The following IFT56 variants were observed in gnomAD, a reference collection of about 807,000 sequenced individuals.
The protein encoded by IFT56 is intraflagellar transport 56.
chr7:139,179,700 A>G, the IFT56 span: 7 of 1,412,432 alleles, frequency 5.0e-6, no homozygotes, highest in East Asian at 4.6e-5. Context: ...TTTTGGTTGC[A>G]TAATCTGTTC....
chr7:139,138,950 A>G, the IFT56 span, among the ~76,000 whole-genome samples: 2 of 151,894 alleles, frequency 1.3e-5, no homozygotes, highest in Non-Finnish European at 2.9e-5. Flanking sequence ...AGCTGGGACT[A>G]CAGACATGCG....
the IFT56 span, among the ~76,000 whole-genome samples, chr7:139,186,983 A>G: frequency 0.016 from 2,414 of 150,346 alleles, 34 homozygotes; most frequent in African/African-American, 0.03. Context: ...AGTCCCAGCT[A>G]CTCGGGAGGC....
the IFT56 span, chr7:139,139,786 G>A: frequency 1.5e-5 from 10 of 681,914 alleles, no homozygotes; most frequent in South Asian, 1.9e-4. Context: ...TTCCCTAAAT[G>A]TGAAGTTGCT....
chr7:139,155,710 A>G, the IFT56 span, among the ~76,000 whole-genome samples: 3 of 152,174 alleles, frequency 2.0e-5, no homozygotes, highest in Non-Finnish European at 2.9e-5. Context: ...TTTTGTGTCC[A>G]TATTCAAAAA....
the IFT56 span, among the ~76,000 whole-genome samples, chr7:139,159,047 C>A: frequency 1.3e-5 from 2 of 152,132 alleles, no homozygotes; most frequent in African/African-American, 2.4e-5. Flanking sequence ...AATGGTTTGA[C>A]TGTTTTATAA....
chr7:139,168,493 T>G, the IFT56 span: 4 of 812,770 alleles, frequency 4.9e-6, no homozygotes, highest in Non-Finnish European at 8.5e-6. Context: ...CAATAGGCTC[T>G]CCTGTAGCTC....
At chr7:139,165,237 A>G in the IFT56 span, 7 of 1,608,658 alleles carry the variant, frequency 4.4e-6, no homozygotes, top group Middle Eastern at 1.7e-4. Context: ...TCGTCAAGGT[A>G]AGAAAAATTT....
At chr7:139,177,950 A>G in the IFT56 span, among the ~76,000 whole-genome samples, 20 of 152,238 alleles carry the variant, frequency 1.3e-4, no homozygotes, top group African/African-American at 4.6e-4. Context: ...TGACCTGGGT[A>G]ATGTCGTAGT....
At chr7:139,184,923 G>A in the IFT56 span, among the ~76,000 whole-genome samples, 8 of 151,602 alleles carry the variant, frequency 5.3e-5, no homozygotes, top group African/African-American at 9.7e-5. Context: ...GCGTGGTGGC[G>A]GGCGCCTGTA....
At chr7:139,187,224 C>T in the IFT56 span, among the ~76,000 whole-genome samples, 2 of 151,338 alleles carry the variant, frequency 1.3e-5, no homozygotes, top group Non-Finnish European at 2.9e-5. Flanking sequence ...TGTACCCAAA[C>T]TGTAATTTTC....
chr7:139,142,392 T>G, the IFT56 span: 2 of 1,165,664 alleles, frequency 1.7e-6, no homozygotes, highest in Non-Finnish European at 2.5e-6. Flanking sequence ...TGAGAGATAT[T>G]TAATTAGAAA....
At chr7:139,149,870 CAT>C in the IFT56 span, among the ~76,000 whole-genome samples, 4 of 151,882 alleles carry the variant, frequency 2.6e-5, no homozygotes, top group African/African-American at 7.3e-5. Context: ...ATTTTAATAA[CAT>C]AATTTTATTT....
the IFT56 span, among the ~76,000 whole-genome samples, chr7:139,139,618 T>A: frequency 6.6e-6 from 1 of 152,178 alleles, no homozygotes; most frequent in Non-Finnish European, 1.5e-5. Flanking sequence ...GTTCAGTTAC[T>A]TTTTGTTTCT....
the IFT56 span, among the ~76,000 whole-genome samples, chr7:139,140,525 A>G: frequency 6.6e-6 from 1 of 152,310 alleles, no homozygotes; most frequent in Admixed American, 6.5e-5. Context: ...CACGCCTGTA[A>G]TCCCAGCACT....
At chr7:139,142,680 A>C in the IFT56 span, among the ~76,000 whole-genome samples, 1 of 152,210 alleles carries the variant, frequency 6.6e-6, no homozygotes, top group Non-Finnish European at 1.5e-5. Flanking sequence ...AATACAAAAA[A>C]AATTAGCTGG....
At chr7:139,169,423 A>T in the IFT56 span, 3 of 1,387,822 alleles carry the variant, frequency 2.2e-6, no homozygotes, top group Non-Finnish European at 3.1e-6. Context: ...GTGAAGTTTG[A>T]TTCTCTGTCT....
the IFT56 span, among the ~76,000 whole-genome samples, chr7:139,176,312 G>T: frequency 6.6e-6 from 1 of 151,648 alleles, no homozygotes; most frequent in East Asian, 1.9e-4. Context: ...AAATATACTG[G>T]ATATCCATAT....
the IFT56 span, chr7:139,179,494 A>C: frequency 8.7e-7 from 1 of 1,154,076 alleles, no homozygotes; most frequent in Non-Finnish European, 1.3e-6. Context: ...AGTGATCATC[A>C]ATCTAAGGCA....
At chr7:139,183,130 T>G in the IFT56 span, among the ~76,000 whole-genome samples, 1 of 151,916 alleles carries the variant, frequency 6.6e-6, no homozygotes, top group Non-Finnish European at 1.5e-5. Context: ...CATTGAACAG[T>G]AAGATTAAAG....
Sources: allele counts gnomAD v4.1 joint callset (sites outside exome capture counted in the v4.1 genomes callset), GRCh38; gene constraint gnomAD v4.1.1; transcripts MANE v1.5; gene names NCBI Gene and HGNC (gene_info 2026-07-23, HGNC 2026-07-21).